The following DNAI4 variants were observed in gnomAD, a reference collection of about 807,000 sequenced individuals.
The protein encoded by DNAI4 is WD repeat domain 78.
DNAI4 carries 85 observed loss-of-function variants against 105.8 expected under a neutral mutation model. That is an observed-to-expected ratio of 0.80 (90% CI 0.67 to 0.96). The LOEUF is 0.96. Among genes scored for constraint, DNAI4 ranks in the 40% least tolerant of loss-of-function variants. The probability of loss-of-function intolerance (pLI) is 0.00; values close to 1 mark genes in which losing one functional copy is unlikely to be tolerated. For synonymous variants in DNAI4, 352 were observed against 331.5 expected (o/e 1.06, Z -0.67); for missense variants, 1,014 against 1,005.6 (o/e 1.01, Z -0.11).
rs1235835881 is a variant in DNAI4, at chr1:66,835,632, T to C, written c.1727A>G (p.Asp576Gly). 1.9e-6 allele frequency: 3 copies of C among 1,614,014 alleles called. No individual in the cohort carries two copies. Among genetic ancestry groups the C allele is most frequent in the Non-Finnish European group, 2.5e-6 (3 of 1,179,942 alleles). ...CTAATTCTCGGATTCTTACCTACTA[T>C]CCAGAACTGGAACATTACTGTTGCT... ...VRSNSNVPVL[D>G]SSESPQKHLG... Residue 576 changes from aspartate to glycine, a missense_variant, in exon 11 of 17, where the codon GAT becomes GGT. Asp to Gly is a moderately conservative substitution (Grantham distance 94). Coordinates refer to ENST00000371026, the MANE Select transcript of DNAI4 (RefSeq NM_024763.5).
rs747832714 is a variant in DNAI4 at position 66,840,596 on chromosome 1, T to C, written c.1367A>G (p.Glu456Gly). The part of the protein sequence containing the change: ...HEEVEEESKK[E>G]EEEEIHAEES... ...TTCTGCATGTATTTCTTCTTCCTCC[T>C]CCTTCTTAGATTCTTCCTCTACCTC... Residue 456 changes from glutamate to glycine, a missense_variant, in exon 9 of 17, where the codon GAG (glutamate) becomes GGG (glycine). Coordinates refer to ENST00000371026, the MANE Select transcript of DNAI4 (RefSeq NM_024763.5). 6.2e-7 allele frequency: 1 copy of C among 1,614,084 alleles called. No homozygotes were observed. The highest frequency in any genetic ancestry group is 1.7e-5 in the Admixed American group (1 of 60,012).
At chr1:66,855,427 C>T (rs1157231726) in intron 7 of DNAI4, among the ~76,000 whole-genome samples, 1 of 152,162 alleles carries the variant, frequency 6.6e-6, no homozygotes, top group East Asian at 1.9e-4. Context: ...TTGGTTTTGC[C>T]ATACCTCAAT....
rs562611590 is a variant in DNAI4 at position 66,914,999 on chromosome 1, A to T, written c.171-9624T>A. ...TAGAAATGTCCTAAGAATTGCCAGC[A>T]TACATTTTGTTTGCATTTATTAATC... On this transcript the variant is annotated intron_variant, in intron 1 of 16. Transcript: ENST00000371026. Among the ~76,000 whole-genome samples, 4 of 152,354 alleles carry T rather than the reference A, an allele frequency of 2.6e-5. No individual in the cohort carries two copies. In the East Asian group the frequency reaches 7.7e-4, roughly 29 times the overall value.
rs745587103 is a variant in DNAI4 at position 66,827,864 on chromosome 1, T to C, written c.2060A>G (p.Lys687Arg). 4.4e-6 allele frequency: 7 copies of C among 1,608,462 alleles called. No individual in the cohort carries two copies. Among genetic ancestry groups the C allele is most frequent in the Admixed American group, 3.4e-5 (2 of 59,120 alleles). ...TTGTTCATTATATGAACAAGAACATTTGTGAATATGACCTTCTTCAGTGCC... is the reference window on the plus strand; with the variant it reads ...TTGTTCATTATATGAACAAGAACATCTGTGAATATGACCTTCTTCAGTGCC... ...LAGTEEGHIH[K>R]CSCSYNEQYL... The change falls in exon 14 of 17, where the codon AAA becomes AGA. Residue 687 changes from lysine (K) to arginine (R), a missense_variant. Physicochemically the swap from Lys to Arg is conservative, Grantham distance 26. Coordinates refer to ENST00000371026, the MANE Select transcript of DNAI4 (RefSeq NM_024763.5).
intron 1 of DNAI4, among the ~76,000 whole-genome samples, chr1:66,916,399 G>A (rs1650077074): frequency 6.6e-6 from 1 of 151,882 alleles, no homozygotes; most frequent in South Asian, 2.1e-4. Context: ...TTGACTCCTG[G>A]GTCTAAAAGG....
intron 8 of DNAI4, 71 bp from the exon 9 acceptor site, chr1:66,840,742 C>T: frequency 6.8e-7 from 1 of 1,472,400 alleles, no homozygotes; most frequent in Admixed American, 1.7e-5. Context: ...CTCCAAACAG[C>T]ATATCTACCC....
chr1:66,874,389 G>A (rs771518474), intron 5 of DNAI4, among the ~76,000 whole-genome samples: 3 of 151,908 alleles, frequency 2.0e-5, no homozygotes, highest in Non-Finnish European at 1.5e-5. Flanking sequence ...AAGTAATTGC[G>A]GTTTGGCTAT....
intron 10 of DNAI4, among the ~76,000 whole-genome samples, chr1:66,836,192 GA>G (rs1557908123): frequency 1.6e-5 from 1 of 62,938 alleles, no homozygotes; most frequent in African/African-American, 5.9e-5. Context: ...AAGAAAGAAA[GA>G]AAGAAAGAAA....
chr1:66,877,607 T>C (rs1181876186), intron 4 of DNAI4, among the ~76,000 whole-genome samples: 2 of 152,218 alleles, frequency 1.3e-5, no homozygotes, highest in African/African-American at 4.8e-5. Context: ...ACTACAATAT[T>C]GCTATTTTAT....
intron 2 of DNAI4, among the ~76,000 whole-genome samples, chr1:66,902,256 A>G (rs1231554022): frequency 9.2e-5 from 14 of 152,096 alleles, no homozygotes; most frequent in Admixed American, 9.2e-4. Context: ...AGTAGCTGTC[A>G]TAATAGGTAT....
intron 1 of DNAI4, among the ~76,000 whole-genome samples, chr1:66,912,533 C>A (rs1235679662): frequency 6.6e-6 from 1 of 151,972 alleles, no homozygotes; most frequent in Non-Finnish European, 1.5e-5. Flanking sequence ...GACCTGGAAG[C>A]CTTCTCTCTG....
chr1:66,924,244 T>C (rs1569935618), intron 1 of DNAI4, among the ~76,000 whole-genome samples: 1 of 152,340 alleles, frequency 6.6e-6, no homozygotes, highest in Admixed American at 6.5e-5. Context: ...GATCTCGGCT[T>C]ACTGCAACCT....
At chr1:66,875,063 GC>G in intron 4 of DNAI4, 126 bp from the exon 5 acceptor site, 1 of 917,184 alleles carries the variant, frequency 1.1e-6, no homozygotes, top group Non-Finnish European at 1.6e-6. Flanking sequence ...CAAGGAACAG[GC>G]CAGGTTGTGA....
intron 7 of DNAI4, among the ~76,000 whole-genome samples, chr1:66,852,567 T>TA (rs1182975799): frequency 6.6e-6 from 1 of 151,860 alleles, no homozygotes; most frequent in Admixed American, 6.6e-5. Context: ...TCTTCAATAT[T>TA]AAAAAATCAA....
chr1:66,819,590 G>A (rs76657829), intron 16 of DNAI4, among the ~76,000 whole-genome samples: 3 of 151,744 alleles, frequency 2.0e-5, no homozygotes, highest in African/African-American at 7.3e-5. Flanking sequence ...GTTTCCAAGG[G>A]GCTCATACTA....
At chr1:66,817,726 T>C (rs1645547403) in intron 16 of DNAI4, among the ~76,000 whole-genome samples, 1 of 152,172 alleles carries the variant, frequency 6.6e-6, no homozygotes, top group African/African-American at 2.4e-5. Context: ...AATCAAGTGA[T>C]CCAGCAACAT....
At chr1:66,896,240 T>C (rs1648328558) in intron 2 of DNAI4, among the ~76,000 whole-genome samples, 1 of 152,252 alleles carries the variant, frequency 6.6e-6, no homozygotes. Context: ...GTTTGTCTGC[T>C]TTGGTAAAGT....
Position 66,813,522 on chromosome 1 carries a change from A to C in DNAI4, c.*608T>G, listed in dbSNP as rs1645455355. On this transcript the variant is annotated 3_prime_UTR_variant, in exon 17 of 17. Transcript: ENST00000371026. ...GTTGTGTCCCAGATGAATTTTTCTC[A>C]CTGAATTGGGAATGTGATAAGCGCT... 6.6e-6 allele frequency: 1 copy of C among 152,296 alleles called. No homozygotes were observed. Among genetic ancestry groups the C allele is most frequent in the African/African-American group, 2.4e-5 (1 of 41,446 alleles). The allele number at this position is 152,296 out of a possible 1,614,324, so 9.4% of individuals were successfully genotyped here. A position where few individuals can be genotyped will look rare whatever the true frequency, so the allele number is the denominator to read the frequency against.
intron 1 of DNAI4, among the ~76,000 whole-genome samples, chr1:66,917,687 A>T (rs983899853): frequency 9.9e-5 from 15 of 152,220 alleles, no homozygotes; most frequent in African/African-American, 3.6e-4. Flanking sequence ...AATTTTGAGC[A>T]TATTTGTTTT....
Sources: gnomAD v4.1 joint callset for allele counts (sites outside exome capture counted in the v4.1 genomes callset) on GRCh38, gnomAD v4.1.1 for gene constraint, MANE v1.5 for transcripts, NCBI Gene and HGNC (gene_info 2026-07-23, HGNC 2026-07-21) for gene names.